UBE2W: variants seen among roughly 807,000 people sequenced by gnomAD.
UBE2W encodes the protein ubiquitin conjugating enzyme E2 W.
In UBE2W, 18 loss-of-function variants were observed where a neutral mutation model predicts 27.2. The ratio of observed to expected loss-of-function variants is 0.66; its 90% CI spans 0.46 to 0.98. The LOEUF (loss-of-function observed/expected upper bound fraction) is 0.98. UBE2W is among the 50% of genes least tolerant of loss of function. The pLI is 0.00. For synonymous variants in UBE2W, 53 were observed against 57.2 expected (o/e 0.93, Z 0.33); for missense variants, 90 against 180.2 (o/e 0.50, Z 2.87).
intron 1 of UBE2W, among the ~76,000 whole-genome samples, chr8:73,838,580 A>G (rs1273509533): frequency 6.6e-6 from 1 of 152,214 alleles, no homozygotes; most frequent in African/African-American, 2.4e-5. Flanking sequence ...TCTCTAGGGA[A>G]AGAAAAAGAG....
rs1199481679 is a variant in UBE2W, at chr8:73,789,762, C to T, written c.*4340G>A. 3.0e-6 allele frequency: 1 copy of T among 338,554 alleles called. No homozygotes were observed. The highest frequency in any genetic ancestry group is 2.2e-5 in the African/African-American group (1 of 44,688). The allele number at this position is 338,554 out of a possible 1,614,324, so 21.0% of individuals were successfully genotyped here. On this transcript the variant is annotated 3_prime_UTR_variant, in exon 6 of 6. Transcript: ENST00000602593. ...CTGAGGCAGGAGAATCGCTTAGACC[C>T]AGGAGGTGGAGATTGAAATGAGCCA... is the stretch of plus-strand genomic sequence containing the variant.
intron 1 of UBE2W, among the ~76,000 whole-genome samples, chr8:73,866,290 A>AAAAAAATATATATAT (rs1248216873): frequency 2.3e-5 from 1 of 43,088 alleles, no homozygotes; most frequent in African/African-American, 9.9e-5. Context: ...AAAAAAAAAA[A>AAAAAAATATATATAT]ATATATATAT....
chr8:73,869,914 T>C (rs1811930773), intron 1 of UBE2W, among the ~76,000 whole-genome samples: 2 of 151,992 alleles, frequency 1.3e-5, no homozygotes, highest in African/African-American at 4.8e-5. Flanking sequence ...AAAGGTCATA[T>C]ATAATATAAT....
chr8:73,839,788 A>C (rs1272950081), intron 1 of UBE2W, among the ~76,000 whole-genome samples: 1 of 141,754 alleles, frequency 7.1e-6, no homozygotes, highest in Non-Finnish European at 1.5e-5. Context: ...GATGGAGTAC[A>C]GTGGTGCAAT....
downstream of UBE2W, among the ~76,000 whole-genome samples, chr8:73,784,019 G>A (rs1467566577): frequency 6.6e-6 from 1 of 152,118 alleles, no homozygotes; most frequent in African/African-American, 2.4e-5. Flanking sequence ...CCAGAGTGTT[G>A]GGATTACAGG....
At chr8:73,821,218 T>C (rs1378417066) in intron 3 of UBE2W, among the ~76,000 whole-genome samples, 1 of 152,142 alleles carries the variant, frequency 6.6e-6, no homozygotes, top group African/African-American at 2.4e-5. Flanking sequence ...ACAAGGCACT[T>C]CACTTCTACA....
Position 73,790,250 on chromosome 8 carries a change from T to G in UBE2W, c.*3852A>C. Reference sequence around the variant, plus strand: ...CTGCGGAAGACTGACACATTGGACATCAGTGGGAAGAGGCAGAAAAATAGG... The same window carrying G: ...CTGCGGAAGACTGACACATTGGACAGCAGTGGGAAGAGGCAGAAAAATAGG... On this transcript the variant is annotated 3_prime_UTR_variant, in exon 6 of 6. Coordinates refer to ENST00000602593, the MANE Select transcript of UBE2W (RefSeq NM_018299.6). 1 of 984,296 alleles carries G rather than the reference T, an allele frequency of 1.0e-6. No individual in the cohort carries two copies. Among genetic ancestry groups the G allele is most frequent in the Non-Finnish European group, 1.2e-6 (1 of 829,736 alleles). The allele number at this position is 984,296 out of a possible 1,614,324, so 61.0% of individuals were successfully genotyped here.
chr8:73,814,840 T>C (rs1809322159), intron 3 of UBE2W, among the ~76,000 whole-genome samples: 1 of 152,200 alleles, frequency 6.6e-6, no homozygotes, highest in Non-Finnish European at 1.5e-5. Context: ...CTTTAATTAT[T>C]ACTACCTTTC....
chr8:73,837,547 G>T (rs767929327), intron 1 of UBE2W, among the ~76,000 whole-genome samples: 6 of 152,060 alleles, frequency 3.9e-5, no homozygotes, highest in Non-Finnish European at 5.9e-5. Context: ...GTATTAAAGA[G>T]TTTAATTTTC....
intron 1 of UBE2W, among the ~76,000 whole-genome samples, chr8:73,867,080 A>C (rs1811809180): frequency 6.6e-6 from 1 of 152,180 alleles, no homozygotes; most frequent in African/African-American, 2.4e-5. Context: ...TAAATATATA[A>C]AGAATTCTTA....
intron 1 of UBE2W, chr8:73,831,415 CAAAA>C (rs1300117178): frequency 6.2e-6 from 1 of 160,720 alleles, no homozygotes; most frequent in African/African-American, 2.4e-5. Flanking sequence ...TTTCACTCAA[CAAAA>C]GATCTTTTCA....
intron 3 of UBE2W, 45 bp downstream of exon 3, chr8:73,825,102 G>C (rs1335772570): frequency 8.3e-7 from 1 of 1,203,890 alleles, no homozygotes; most frequent in Non-Finnish European, 1.2e-6. Flanking sequence ...CTGGCATTTA[G>C]CTATCTAAAA....
intron 5 of UBE2W, among the ~76,000 whole-genome samples, chr8:73,804,689 T>G (rs1808795323): frequency 6.6e-6 from 1 of 151,966 alleles, no homozygotes; most frequent in African/African-American, 2.4e-5. Flanking sequence ...CATCAAAACT[T>G]CTATTTCAAA....
At chr8:73,844,563 C>T (rs536568488) in intron 1 of UBE2W, among the ~76,000 whole-genome samples, 96 of 152,204 alleles carry the variant, frequency 6.3e-4, no homozygotes, top group African/African-American at 1.8e-3. Context: ...TCTGCCCGGC[C>T]GCCACCCCGT....
At chr8:73,873,453 T>C (rs1048405723) in intron 1 of UBE2W, among the ~76,000 whole-genome samples, 1 of 151,768 alleles carries the variant, frequency 6.6e-6, no homozygotes, top group African/African-American at 2.4e-5. Flanking sequence ...AGTCCTGGAG[T>C]TCAAGGCCAA....
chr8:73,796,167 T>C lies in UBE2W; in HGVS notation c.443-2052A>G, dbSNP rs960108484. Among the ~76,000 whole-genome samples the C allele has an allele frequency of 2.0e-5, 3 of 149,820 alleles. 1 individual carries two copies. Among genetic ancestry groups the C allele is most frequent in the African/African-American group, 7.4e-5 (3 of 40,730 alleles). ...TATGGATATAAAACAAACTTAGGAA[T>C]ATTAATAAGTTCCTTAAAACATCGC... On this transcript the variant is annotated intron_variant, in intron 5 of 5. Coordinates refer to ENST00000602593, the MANE Select transcript of UBE2W (RefSeq NM_018299.6).
chr8:73,856,798 T>A (rs1247457704), intron 1 of UBE2W, among the ~76,000 whole-genome samples: 1 of 148,854 alleles, frequency 6.7e-6, no homozygotes, highest in Non-Finnish European at 1.5e-5. Context: ...CTCCGCCTCC[T>A]GGGTTCAAGC....
Position 73,794,576 on chromosome 8 carries a change from A to C in UBE2W, c.443-461T>G, listed in dbSNP as rs914514883. 1.1e-4 allele frequency among the ~76,000 whole-genome samples: 17 copies of C among 152,178 alleles called. 1 individual carries two copies. The highest frequency in any genetic ancestry group is 2.5e-4 in the Non-Finnish European group (17 of 68,034). On this transcript the variant is annotated intron_variant, in intron 5 of 5. Transcript: ENST00000602593. ...ACCAATGAGATACAATCTCCAAATC[A>C]ATAAACAGTTAAGATTAATTTCCCT...
intron 1 of UBE2W, among the ~76,000 whole-genome samples, chr8:73,849,228 T>C (rs1810960886): frequency 6.6e-6 from 1 of 152,036 alleles, no homozygotes; most frequent in Non-Finnish European, 1.5e-5. Context: ...AAAAATATTG[T>C]AGGCCAGGAG....
Sources: allele counts gnomAD v4.1 joint callset (sites outside exome capture counted in the v4.1 genomes callset), GRCh38; gene constraint gnomAD v4.1.1; transcripts MANE v1.5; gene names NCBI Gene and HGNC (gene_info 2026-07-23, HGNC 2026-07-21).